Variants in LSAMP observed in about 807,000 individuals in gnomAD.
LSAMP encodes limbic system-associated membrane protein.
A neutral mutation model predicts 38.6 loss-of-function variants in LSAMP; 7 were observed. The observed-to-expected ratio is 0.18, with a 90% CI of 0.10 to 0.34. The LOEUF is 0.34. LSAMP is among the 10% of genes least tolerant of loss of function. The pLI, the probability that LSAMP is intolerant of heterozygous loss-of-function variation, is 1.00. For missense variants in LSAMP, 313 were observed against 420.0 expected, an observed-to-expected ratio of 0.75 and a Z score of 2.23; for synonymous variants, 154 against 166.8, an observed-to-expected ratio of 0.92 and a Z score of 0.59.
intron 3 of LSAMP, among the ~76,000 whole-genome samples, chr3:115,922,918 T>C (rs1937415826): frequency 6.6e-6 from 1 of 152,188 alleles, no homozygotes; most frequent in South Asian, 2.1e-4. Flanking sequence ...TACCAAGCTC[T>C]CCCTTTTTCT....
intron 6 of LSAMP, among the ~76,000 whole-genome samples, chr3:115,825,759 G>A (rs1186234936): frequency 6.6e-6 from 1 of 152,138 alleles, no homozygotes; most frequent in Non-Finnish European, 1.5e-5. Context: ...AAGATCAAAT[G>A]AGGGTAATTG....
intron 3 of LSAMP, among the ~76,000 whole-genome samples, chr3:115,970,311 G>A (rs553152517): frequency 2.6e-5 from 4 of 152,250 alleles, no homozygotes; most frequent in East Asian, 3.9e-4. Context: ...TCCACAGAGC[G>A]AACCCTAGGA....
chr3:115,806,846 A>G lies in LSAMP; in HGVS notation c.*3471T>C, dbSNP rs1306738850. Reference sequence around the variant, plus strand: ...AGCAAGGCAAAACCTTTGCTCAACAATTGCACAGAGCATAATTACAATTCT... The same window carrying G: ...AGCAAGGCAAAACCTTTGCTCAACAGTTGCACAGAGCATAATTACAATTCT... On this transcript the variant is annotated 3_prime_UTR_variant, in exon 7 of 7. Transcript: ENST00000490035. 2.0e-5 allele frequency: 3 copies of G among 152,182 alleles called. No individual in the cohort carries two copies. Among genetic ancestry groups the G allele is most frequent in the Non-Finnish European group, 2.9e-5 (2 of 68,024 alleles). 9.4% of individuals were successfully genotyped at this position (152,182 alleles called of 1,614,324 possible). A position where few individuals can be genotyped will look rare whatever the true frequency, so the allele number is the denominator to read the frequency against.
At chr3:115,873,625 A>G (rs191416890) in intron 3 of LSAMP, among the ~76,000 whole-genome samples, 1 of 152,276 alleles carries the variant, frequency 6.6e-6, no homozygotes, top group Admixed American at 6.5e-5. Context: ...ATAGAGTATT[A>G]GAACTCAATT....
chr3:116,392,921 G>T (rs927971406), intron 1 of LSAMP, among the ~76,000 whole-genome samples: 7 of 152,108 alleles, frequency 4.6e-5, no homozygotes, highest in Non-Finnish European at 1.0e-4. Flanking sequence ...GGGACAAGTT[G>T]CTGCAAAGAG....
chr3:115,854,273 ATTATTATTATTT>A (rs1418707175), intron 3 of LSAMP, among the ~76,000 whole-genome samples: 7 of 119,536 alleles, frequency 5.9e-5, no homozygotes, highest in South Asian at 2.7e-4. Flanking sequence ...TATTATTATT[ATTATTATTATTT>A]TTTTTTTTTT....
chr3:115,903,035 G>A (rs749957360), intron 3 of LSAMP, among the ~76,000 whole-genome samples: 11 of 152,080 alleles, frequency 7.2e-5, no homozygotes, highest in Non-Finnish European at 1.2e-4. Context: ...ATACATGCAC[G>A]CATATATTCA....
chr3:116,121,719 A>G (rs1028584429), intron 1 of LSAMP, among the ~76,000 whole-genome samples: 3 of 152,302 alleles, frequency 2.0e-5, no homozygotes, highest in African/African-American at 7.2e-5. Flanking sequence ...CACCTAAGGT[A>G]ACACTGATAG....
chr3:116,026,641 G>A (rs370049873), intron 2 of LSAMP, among the ~76,000 whole-genome samples: 6 of 152,092 alleles, frequency 3.9e-5, no homozygotes, highest in African/African-American at 4.8e-5. Flanking sequence ...AAACATCCCC[G>A]CCTTGGAACT....
chr3:116,166,004 T>C (rs1710041697), intron 1 of LSAMP, among the ~76,000 whole-genome samples: 1 of 152,206 alleles, frequency 6.6e-6, no homozygotes, highest in African/African-American at 2.4e-5. Flanking sequence ...GTTCTTTATA[T>C]GTTCATATGT....
chr3:116,432,191 G>A (rs1417007780), intron 1 of LSAMP, among the ~76,000 whole-genome samples: 2 of 151,824 alleles, frequency 1.3e-5, no homozygotes, highest in African/African-American at 4.8e-5. Flanking sequence ...TATAAGTGAT[G>A]CAACAAATTA....
chr3:115,934,743 T>C (rs1937642533), intron 3 of LSAMP, among the ~76,000 whole-genome samples: 1 of 152,216 alleles, frequency 6.6e-6, no homozygotes, highest in Admixed American at 6.5e-5. Flanking sequence ...GGTTTGTGAC[T>C]GACCAGATTT....
chr3:116,244,149 A>G (rs975338279), intron 1 of LSAMP, among the ~76,000 whole-genome samples: 3 of 152,124 alleles, frequency 2.0e-5, no homozygotes, highest in Non-Finnish European at 2.9e-5. Flanking sequence ...CATCTTCACT[A>G]ATTCTCTAGG....
chr3:115,810,431 G>T lies in LSAMP; in HGVS notation c.920-17C>A. 6.3e-7 allele frequency: 1 copy of T among 1,578,556 alleles called. No homozygotes were observed. Among genetic ancestry groups the T allele is most frequent in the Admixed American group, 1.7e-5 (1 of 59,646 alleles). On this transcript the variant is annotated splice_polypyrimidine_tract_variant and intron_variant, in intron 6 of 6. Coordinates refer to ENST00000490035, the MANE Select transcript of LSAMP (RefSeq NM_002338.5). ...ACCCAGGTCCTGCAGAGCAAAAGAGGAGAGAGAAAAAGAGAATGAGTTACA... is the reference window on the plus strand; with the variant it reads ...ACCCAGGTCCTGCAGAGCAAAAGAGTAGAGAGAAAAAGAGAATGAGTTACA...
intron 1 of LSAMP, among the ~76,000 whole-genome samples, chr3:116,106,013 T>C (rs902708640): frequency 2.0e-4 from 31 of 151,976 alleles, no homozygotes; most frequent in African/African-American, 7.0e-4. Context: ...GAAGAAACAT[T>C]TGTCGTATAG....
chr3:115,861,823 C>A (rs1043155725), intron 3 of LSAMP, among the ~76,000 whole-genome samples: 5 of 149,876 alleles, frequency 3.3e-5, no homozygotes, highest in Non-Finnish European at 7.4e-5. Context: ...GAGATTTTAG[C>A]TAACTGTGGA....
At chr3:116,290,722 T>C (rs988195218) in intron 1 of LSAMP, among the ~76,000 whole-genome samples, 1 of 136,778 alleles carries the variant, frequency 7.3e-6, no homozygotes, top group Admixed American at 8.1e-5. Context: ...AGAGCGAGAC[T>C]CTGTCTCACA....
At chr3:116,397,412 CACAT>C (rs1479247273) in intron 1 of LSAMP, among the ~76,000 whole-genome samples, 2 of 148,086 alleles carry the variant, frequency 1.4e-5, no homozygotes, top group African/African-American at 4.9e-5. Flanking sequence ...CACATACACA[CACAT>C]AAACCTTTGA....
intron 1 of LSAMP, among the ~76,000 whole-genome samples, chr3:116,254,003 A>G (rs1447043960): frequency 6.6e-6 from 1 of 152,118 alleles, no homozygotes; most frequent in Non-Finnish European, 1.5e-5. Flanking sequence ...ATGGTCTTTT[A>G]TCTTCTAACG....
Sources: allele counts gnomAD v4.1 joint callset (sites outside exome capture counted in the v4.1 genomes callset), GRCh38; gene constraint gnomAD v4.1.1; transcripts MANE v1.5; gene names NCBI Gene and HGNC (gene_info 2026-07-23, HGNC 2026-07-21).